Variants in CAST observed in about 807,000 individuals in gnomAD.
The protein encoded by CAST is MIR583 host.
A neutral mutation model predicts 119.6 loss-of-function variants in CAST; 76 were observed. The observed-to-expected ratio is 0.64, with a 90% confidence interval of 0.53 to 0.77. The LOEUF (loss-of-function observed/expected upper bound fraction) is 0.77. CAST is among the 30% of genes least tolerant of loss of function. CAST has a pLI of 0.00. For missense variants in CAST, 953 were observed against 946.5 expected (o/e 1.01, Z -0.09); for synonymous variants, 319 against 331.6 (o/e 0.96, Z 0.41).
chr5:96,387,180 G>A, the CAST span, among the ~76,000 whole-genome samples: 1 of 152,164 alleles, frequency 6.6e-6, no homozygotes. Flanking sequence ...TGACTCAAGA[G>A]TGCACACCTC....
At chr5:96,592,535 A>G (rs1746981105) in intron 1 of CAST, among the ~76,000 whole-genome samples, 1 of 152,296 alleles carries the variant, frequency 6.6e-6, no homozygotes, top group East Asian at 1.9e-4. Context: ...AAGAGAAAAA[A>G]ACTAAAGAAT....
intron 25 of CAST, among the ~76,000 whole-genome samples, chr5:96,763,942 G>T (rs186382404): frequency 5.4e-4 from 78 of 145,492 alleles, no homozygotes; most frequent in African/African-American, 1.9e-3. Flanking sequence ...AACTGACTTA[G>T]CTTCCCTGAG....
At chr5:96,023,523 G>T in the CAST span, among the ~76,000 whole-genome samples, 6 of 152,098 alleles carry the variant, frequency 3.9e-5, no homozygotes, top group Non-Finnish European at 7.4e-5. Flanking sequence ...GAGATCTGAG[G>T]TTTCCGGATC....
At chr5:96,664,213 G>GT (rs549605266) in intron 1 of CAST, among the ~76,000 whole-genome samples, 12 of 148,710 alleles carry the variant, frequency 8.1e-5, no homozygotes, top group African/African-American at 1.7e-4. Context: ...CACAAGTAGT[G>GT]TTTTTTTTTA....
intron 3 of CAST, among the ~76,000 whole-genome samples, chr5:96,722,131 C>A (rs1189451792): frequency 1.3e-5 from 2 of 152,180 alleles, no homozygotes; most frequent in South Asian, 4.1e-4. Context: ...TCAAATACGA[C>A]CCTGCAAATA....
At chr5:96,114,919 G>T in the CAST span, among the ~76,000 whole-genome samples, 533 of 152,234 alleles carry the variant, frequency 3.5e-3, 2 homozygotes, top group African/African-American at 4.6e-3. Context: ...ATGTACTAGT[G>T]GTGTGACCTC....
the CAST span, among the ~76,000 whole-genome samples, chr5:96,491,708 A>G: frequency 6.6e-6 from 1 of 152,106 alleles, no homozygotes; most frequent in Non-Finnish European, 1.5e-5. Flanking sequence ...GTGCATAGGA[A>G]TAGTCATAGT....
chr5:96,714,682 A>G (rs1407746680), intron 3 of CAST: 1 of 152,236 alleles, frequency 6.6e-6, no homozygotes, highest in African/African-American at 2.4e-5. Context: ...TTCATGCATC[A>G]AGAGAAGCAA....
the CAST span, chr5:96,213,865 C>G: frequency 3.3e-5 from 5 of 152,156 alleles, no homozygotes; most frequent in African/African-American, 1.2e-4. Context: ...CCATCCCCTT[C>G]CCAAGAGGTA....
chr5:96,238,340 CT>C, the CAST span, among the ~76,000 whole-genome samples: 3 of 44,216 alleles, frequency 6.8e-5, no homozygotes, highest in Admixed American at 9.8e-4. Context: ...TCTTCTTCTT[CT>C]TCTTCATCTT....
At chr5:96,575,648 GT>G (rs200064654) in intron 1 of CAST, among the ~76,000 whole-genome samples, 173 of 142,570 alleles carry the variant, frequency 1.2e-3, no homozygotes, top group African/African-American at 2.7e-3. Context: ...TTTGTTTTTT[GT>G]TTTTTTTTTT....
the CAST span, among the ~76,000 whole-genome samples, chr5:96,221,448 G>A: frequency 1.3e-5 from 2 of 151,950 alleles, no homozygotes; most frequent in Non-Finnish European, 2.9e-5. Flanking sequence ...AATCAGTAGT[G>A]TTTATATACA....
intron 1 of CAST, among the ~76,000 whole-genome samples, chr5:96,571,802 T>C (rs1254589969): frequency 1.3e-5 from 2 of 152,234 alleles, no homozygotes; most frequent in African/African-American, 4.8e-5. Flanking sequence ...TTATAACGCA[T>C]GCTTATCCAC....
the CAST span, among the ~76,000 whole-genome samples, chr5:96,219,123 T>C: frequency 1.3e-5 from 2 of 152,174 alleles, no homozygotes; most frequent in African/African-American, 2.4e-5. Context: ...ATGTGTATGA[T>C]TTCATGGCCC....
chr5:96,494,913 C>A, the CAST span, among the ~76,000 whole-genome samples: 26 of 151,880 alleles, frequency 1.7e-4, no homozygotes, highest in Non-Finnish European at 3.5e-4. Flanking sequence ...GTCAGGAGCT[C>A]GAGACCATCC....
intron 1 of CAST, among the ~76,000 whole-genome samples, chr5:96,611,132 T>C (rs1747353338): frequency 6.6e-6 from 1 of 152,300 alleles, no homozygotes; most frequent in African/African-American, 2.4e-5. Flanking sequence ...TATTTTTTCA[T>C]GGAATTAGAA....
rs1366528244 is a variant in CAST at position 96,747,964 on chromosome 5, A to T, written c.1333-554A>T. Among the ~76,000 whole-genome samples, 5 of 152,330 alleles carry T rather than the reference A, an allele frequency of 3.3e-5. No individual in the cohort carries two copies. In the East Asian group the frequency reaches 7.7e-4, roughly 23 times the overall value. ...AAGCCAAGCCCAGGACTTAGAACTC[A>T]GGCTGTCTGGTCTGAGTCCCAGCGT... On this transcript the variant is annotated intron_variant, in intron 18 of 31. Coordinates refer to ENST00000675179, the MANE Select transcript of CAST (RefSeq NM_001750.7).
chr5:96,678,633 A>T (rs1561464103), intron 2 of CAST, among the ~76,000 whole-genome samples: 5 of 151,934 alleles, frequency 3.3e-5, no homozygotes. Flanking sequence ...TCACAAGGTC[A>T]GGAGATCGAC....
the CAST span, among the ~76,000 whole-genome samples, chr5:96,110,072 A>T: frequency 6.6e-6 from 1 of 152,322 alleles, no homozygotes; most frequent in African/African-American, 2.4e-5. Flanking sequence ...AGAATAAAAA[A>T]GTTGACTAAG....
Sources: gnomAD v4.1 joint callset for allele counts (sites outside exome capture counted in the v4.1 genomes callset) on GRCh38, gnomAD v4.1.1 for gene constraint, MANE v1.5 for transcripts, NCBI Gene and HGNC (gene_info 2026-07-23, HGNC 2026-07-21) for gene names.